IPMK: variants seen among roughly 807,000 people sequenced by gnomAD.
The protein encoded by IPMK is inositol 1,3,4,6-tetrakisphosphate 5-kinase.
IPMK carries 17 observed loss-of-function variants against 45.8 expected under a neutral mutation model. The observed-to-expected ratio is 0.37, with a 90% CI of 0.25 to 0.56. The LOEUF is 0.56. Among genes scored for constraint, IPMK ranks in the 20% least tolerant of loss-of-function variants. The pLI is 0.79. For synonymous variants in IPMK, 180 were observed against 184.3 expected, an observed-to-expected ratio of 0.98 and a Z score of 0.19; for missense variants, 399 against 498.0, an observed-to-expected ratio of 0.80 and a Z score of 1.89.
At chr10:58,211,873 C>G (rs1275532017) in intron 4 of IPMK, among the ~76,000 whole-genome samples, 2 of 129,446 alleles carry the variant, frequency 1.5e-5, no homozygotes, top group Non-Finnish European at 3.1e-5. Flanking sequence ...GATCTTGCCA[C>G]TGCACTCCAG....
rs779944345 is a variant in IPMK, at chr10:58,267,497, T to C, written c.115A>G (p.Arg39Gly). Residue 39 changes from arginine (R) to glycine (G), a missense_variant, in exon 1 of 6, where the codon AGA becomes GGA. This residue lies in a region of IPMK where 111 missense variants were observed against 99.9 expected (regional missense o/e 1.11). Coordinates refer to ENST00000373935, the MANE Select transcript of IPMK (RefSeq NM_152230.5). ...PEGTPQPAGG[R>G]LRFLNGCVPL... ...ACGCAGCCGTTGAGGAAGCGGAGTC[T>C]GCCGCCCGCCGGCTGCGGGGTGCCC... 6.2e-7 allele frequency: 1 copy of C among 1,613,328 alleles called. No homozygotes were observed. The highest frequency in any genetic ancestry group is 1.3e-5 in the African/African-American group (1 of 74,932).
chr10:58,265,215 T>C (rs1350381783), intron 1 of IPMK, among the ~76,000 whole-genome samples: 1 of 152,204 alleles, frequency 6.6e-6, no homozygotes, highest in Admixed American at 6.5e-5. Context: ...TCAAGTTCCA[T>C]GAGTTTAATT....
At position 58,199,297 on chromosome 10, in the gene IPMK, A is replaced by G; in HGVS notation, c.571T>C (p.Tyr191His). Residue 191 changes from tyrosine (Y) to histidine (H), a missense_variant, in exon 5 of 6, where the codon TAT (tyrosine) becomes CAT (histidine). By Grantham distance (83) the Tyr-to-His change is moderately conservative. Transcript: ENST00000373935. ...CCGTAATGCTGGTTTTCTGTCTCAT[A>G]GCTATCGGAATGAACATGATAAACC... Reference protein sequence around the residue: ...MRVYHVHSDSYETENQHYGRS... With the variant: ...MRVYHVHSDSHETENQHYGRS... 6.2e-7 allele frequency: 1 copy of G among 1,608,478 alleles called. No individual in the cohort carries two copies. The highest frequency in any genetic ancestry group is 8.5e-7 in the Non-Finnish European group (1 of 1,177,176).
chr10:58,235,367 G>A lies in IPMK; in HGVS notation c.276+2362C>T, dbSNP rs371602487. Among the ~76,000 whole-genome samples the A allele has an allele frequency of 6.6e-5, 10 of 152,166 alleles. No homozygotes were observed. In the East Asian group the frequency reaches 9.6e-4, roughly 15 times the overall value. On this transcript the variant is annotated intron_variant, in intron 2 of 5. Transcript: ENST00000373935. Reference sequence around the variant, plus strand: ...TGCTACTATAAAGATACATGTAGACGTATGTTTACTGCAGCACTATTCACA... The same window carrying A: ...TGCTACTATAAAGATACATGTAGACATATGTTTACTGCAGCACTATTCACA...
chr10:58,213,199 G>C (rs1272499192), intron 4 of IPMK, among the ~76,000 whole-genome samples: 1 of 151,612 alleles, frequency 6.6e-6, no homozygotes, highest in African/African-American at 2.4e-5. Flanking sequence ...AAGCACTTAA[G>C]ATATTTAAGT....
At chr10:58,220,411 G>A (rs1838314316) in intron 3 of IPMK, among the ~76,000 whole-genome samples, 1 of 151,994 alleles carries the variant, frequency 6.6e-6, no homozygotes, top group African/African-American at 2.4e-5. Flanking sequence ...TCCATAACTT[G>A]TGCCCAAAGA....
chr10:58,211,919 A>AAAAT (rs1554823049), intron 4 of IPMK, among the ~76,000 whole-genome samples: 1 of 148,188 alleles, frequency 6.7e-6, no homozygotes, highest in African/African-American at 2.6e-5. Context: ...AAAAAAAAAA[A>AAAAT]AAAAAATTTG....
chr10:58,193,980 AAAC>A lies in IPMK; in HGVS notation c.*2093_*2095del, dbSNP rs1837853799. On this transcript the variant is annotated 3_prime_UTR_variant, in exon 6 of 6. Coordinates refer to ENST00000373935, the MANE Select transcript of IPMK (RefSeq NM_152230.5). ...ATTAAATGTTAATCCCTTCCCTGAA[AAAC>A]AACAGATAAAAGGGCTTCTTGCTTT... The A allele has an allele frequency of 6.6e-6, 1 of 151,902 alleles. No individual in the cohort carries two copies. Among genetic ancestry groups the A allele is most frequent in the African/African-American group, 2.4e-5 (1 of 41,452 alleles). The allele number at this position is 151,902 out of a possible 1,614,324, so 9.4% of individuals were successfully genotyped here. A position where few individuals can be genotyped will look rare whatever the true frequency, so the allele number is the denominator to read the frequency against.
rs1415626425 is a variant in IPMK at position 58,191,603 on chromosome 10, T to C, written c.*4473A>G. 6.6e-6 allele frequency: 1 copy of C among 152,094 alleles called. No homozygotes were observed. The highest frequency in any genetic ancestry group is 1.9e-4 in the East Asian group (1 of 5,196). The allele number at this position is 152,094 out of a possible 1,614,324, so 9.4% of individuals were successfully genotyped here. A position where few individuals can be genotyped will look rare whatever the true frequency, so the allele number is the denominator to read the frequency against. ...CACTTATAAAAATTGGTATATCACA[T>C]TAGATGATTCTATAAAATAAAAACA... On this transcript the variant is annotated 3_prime_UTR_variant, in exon 6 of 6. Coordinates refer to ENST00000373935, the MANE Select transcript of IPMK (RefSeq NM_152230.5).
At chr10:58,255,230 G>A (rs1030795879) in intron 1 of IPMK, among the ~76,000 whole-genome samples, 9 of 152,226 alleles carry the variant, frequency 5.9e-5, no homozygotes, top group Non-Finnish European at 1.3e-4. Flanking sequence ...ACCCACTTTT[G>A]TTCCCAATAC....
At chr10:58,266,621 C>T (rs1163671327) in intron 1 of IPMK, among the ~76,000 whole-genome samples, 2 of 152,132 alleles carry the variant, frequency 1.3e-5, no homozygotes, top group African/African-American at 4.8e-5. Flanking sequence ...CATCAGATTA[C>T]CCCAGTAATC....
intron 3 of IPMK, among the ~76,000 whole-genome samples, chr10:58,220,358 T>C (rs984255093): frequency 1.3e-5 from 2 of 152,150 alleles, no homozygotes; most frequent in African/African-American, 4.8e-5. Context: ...CTCATATCCT[T>C]ATAAGAACTT....
chr10:58,200,994 A>G (rs1428658005), intron 4 of IPMK, among the ~76,000 whole-genome samples: 1 of 152,234 alleles, frequency 6.6e-6, no homozygotes, highest in Non-Finnish European at 1.5e-5. Flanking sequence ...CAGAAATCAA[A>G]AGAAAAATAG....
At chr10:58,255,759 T>C (rs1402072161) in intron 1 of IPMK, among the ~76,000 whole-genome samples, 1 of 152,160 alleles carries the variant, frequency 6.6e-6, no homozygotes, top group East Asian at 1.9e-4. Context: ...GCTGAGACAG[T>C]GTTCCGGGAA....
At chr10:58,245,172 GTGTAACAAAAAGATAAA>G (rs1838778215) in intron 1 of IPMK, among the ~76,000 whole-genome samples, 1 of 150,394 alleles carries the variant, frequency 6.6e-6, no homozygotes, top group South Asian at 2.1e-4. Flanking sequence ...AAATAAGCCA[GTGTAACAAAAAGATAAA>G]TACTACATGA....
intron 1 of IPMK, among the ~76,000 whole-genome samples, chr10:58,252,169 C>G (rs1012740813): frequency 6.6e-6 from 1 of 152,076 alleles, no homozygotes; most frequent in Non-Finnish European, 1.5e-5. Context: ...GTGGTTACCA[C>G]GAGGCTTATA....
At chr10:58,205,638 A>G (rs1385029854) in intron 4 of IPMK, among the ~76,000 whole-genome samples, 1 of 152,220 alleles carries the variant, frequency 6.6e-6, no homozygotes, top group Non-Finnish European at 1.5e-5. Context: ...AAACAAAGGC[A>G]TACAGAGTAA....
intron 4 of IPMK, among the ~76,000 whole-genome samples, chr10:58,209,887 T>C (rs1470995651): frequency 1.3e-5 from 2 of 152,092 alleles, no homozygotes; most frequent in African/African-American, 2.4e-5. Context: ...AGCCAGGAGG[T>C]AGTGCTTACA....
intron 4 of IPMK, among the ~76,000 whole-genome samples, chr10:58,208,010 G>A (rs898064406): frequency 2.6e-5 from 4 of 151,766 alleles, no homozygotes; most frequent in East Asian, 1.9e-4. Context: ...GCGCGATCTC[G>A]GCTCACTGCA....
Sources: allele counts gnomAD v4.1 joint callset (sites outside exome capture counted in the v4.1 genomes callset), GRCh38; gene constraint gnomAD v4.1.1; regional missense constraint gnomAD v4.1.1; transcripts MANE v1.5; gene names NCBI Gene and HGNC (gene_info 2026-07-23, HGNC 2026-07-21).